Variants in CPNE4 observed in about 807,000 individuals in gnomAD.
CPNE4 encodes copine 4, also known as copine-4.
In CPNE4, 25 loss-of-function variants were observed where a neutral mutation model predicts 67.9. The observed-to-expected ratio is 0.37, with a 90% CI of 0.27 to 0.51. The LOEUF (loss-of-function observed/expected upper bound fraction) is 0.51, where lower values mean the gene tolerates loss of function less well. Among genes scored for constraint, CPNE4 ranks in the 20% least tolerant of loss-of-function variants. The pLI is 0.93. For missense variants in CPNE4, 464 were observed against 690.8 expected (o/e 0.67, Z 3.68); for synonymous variants, 242 against 244.9 (o/e 0.99, Z 0.11).
chr3:132,025,726 T>C (rs1216632924), intron 1 of CPNE4, among the ~76,000 whole-genome samples: 1 of 152,210 alleles, frequency 6.6e-6, no homozygotes. Context: ...TCCTATAACA[T>C]AGACACAATC....
At chr3:131,727,317 A>G (rs1057027911) in intron 2 of CPNE4, among the ~76,000 whole-genome samples, 1 of 152,106 alleles carries the variant, frequency 6.6e-6, no homozygotes, top group Non-Finnish European at 1.5e-5. Flanking sequence ...AAACACGGCC[A>G]GGCGCAGTGG....
At chr3:131,977,315 T>A (rs1241008047) in intron 1 of CPNE4, among the ~76,000 whole-genome samples, 1 of 152,166 alleles carries the variant, frequency 6.6e-6, no homozygotes, top group Middle Eastern at 3.2e-3. Flanking sequence ...AGTTGATGAT[T>A]AGTCCAAGCA....
chr3:131,990,482 C>T (rs2073152293), intron 1 of CPNE4, among the ~76,000 whole-genome samples: 1 of 134,366 alleles, frequency 7.4e-6, no homozygotes, highest in African/African-American at 2.5e-5. Context: ...ACCCCCTGCC[C>T]CCAGTAAACA....
intron 7 of CPNE4, among the ~76,000 whole-genome samples, chr3:131,656,747 A>T (rs550255081): frequency 6.6e-6 from 1 of 152,328 alleles, no homozygotes; most frequent in Non-Finnish European, 1.5e-5. Flanking sequence ...GTAATCACAG[A>T]TGGTGGTAAG....
At chr3:131,791,044 T>C (rs893552939) in intron 2 of CPNE4, among the ~76,000 whole-genome samples, 1 of 152,186 alleles carries the variant, frequency 6.6e-6, no homozygotes, top group Non-Finnish European at 1.5e-5. Flanking sequence ...CAATAAATTA[T>C]AGTCTACATT....
chr3:131,980,322 G>A (rs889769146), intron 1 of CPNE4, among the ~76,000 whole-genome samples: 4 of 152,212 alleles, frequency 2.6e-5, no homozygotes, highest in East Asian at 1.9e-4. Flanking sequence ...TCTTCCTCAG[G>A]AACACCAATT....
In CPNE4 at chr3:131,885,143, A is replaced by C. The variant is rs778769758; in HGVS notation, c.180+20121T>G. ...TTGAATGGCTTTGACAAAAATGCTG[A>C]TAGTGATAGGAACAATAAGGTCCAG... On this transcript the variant is annotated intron_variant, in intron 2 of 15. Transcript: ENST00000429747. Among the ~76,000 whole-genome samples the C allele has an allele frequency of 1.4e-3, 208 of 152,290 alleles. 3 individuals carry two copies. In the Middle Eastern group the frequency reaches 0.031, roughly 22 times the overall value.
intron 1 of CPNE4, among the ~76,000 whole-genome samples, chr3:131,959,599 T>C (rs1030013896): frequency 1.2e-4 from 19 of 152,146 alleles, no homozygotes; most frequent in African/African-American, 4.6e-4. Flanking sequence ...ATTGTGGAAA[T>C]TGGAAAATCA....
At chr3:131,720,286 T>A (rs1208196358) in intron 3 of CPNE4, among the ~76,000 whole-genome samples, 1 of 23,852 alleles carries the variant, frequency 4.2e-5, no homozygotes, top group African/African-American at 9.0e-5. Context: ...AGGAATGGGT[T>A]TTTTTTTTTT....
chr3:131,952,172 G>T (rs1441654387), intron 1 of CPNE4, among the ~76,000 whole-genome samples: 1 of 148,260 alleles, frequency 6.7e-6, no homozygotes, highest in Non-Finnish European at 1.5e-5. Flanking sequence ...ATCTCTGCCC[G>T]GCCGCCCATC....
At chr3:131,671,628 C>T (rs2080419692) in intron 6 of CPNE4, among the ~76,000 whole-genome samples, 1 of 152,024 alleles carries the variant, frequency 6.6e-6, no homozygotes, top group African/African-American at 2.4e-5. Context: ...TCTAGGAGCA[C>T]CTCCCCATTA....
intron 1 of CPNE4, among the ~76,000 whole-genome samples, chr3:132,032,177 G>A (rs1278987662): frequency 6.6e-6 from 1 of 152,180 alleles, no homozygotes; most frequent in African/African-American, 2.4e-5. Flanking sequence ...ACAACTCAGA[G>A]CAACTATTTT....
At chr3:131,975,617 C>T (rs572217160) in intron 1 of CPNE4, among the ~76,000 whole-genome samples, 5 of 152,232 alleles carry the variant, frequency 3.3e-5, no homozygotes, top group African/African-American at 7.2e-5. Flanking sequence ...AAATAAACAC[C>T]GTGACATTTA....
At chr3:131,651,880 T>C (rs77875221) in intron 7 of CPNE4, among the ~76,000 whole-genome samples, 7,120 of 152,228 alleles carry the variant, frequency 0.047, 207 homozygotes, top group Non-Finnish European at 0.066. Flanking sequence ...TTCTCAGTTT[T>C]TTTCACTGGG....
At chr3:132,018,272 T>G (rs2073927495) in intron 1 of CPNE4, among the ~76,000 whole-genome samples, 1 of 152,148 alleles carries the variant, frequency 6.6e-6, no homozygotes, top group Non-Finnish European at 1.5e-5. Flanking sequence ...ACCCCCAAAA[T>G]CAGATGCACA....
intron 2 of CPNE4, among the ~76,000 whole-genome samples, chr3:131,783,227 G>T (rs140417641): frequency 1.4e-4 from 22 of 152,140 alleles, no homozygotes; most frequent in Middle Eastern, 3.4e-3. Context: ...ACTATAATAA[G>T]CAAGTACTAA....
intron 7 of CPNE4, among the ~76,000 whole-genome samples, chr3:131,634,032 A>T (rs574593287): frequency 6.6e-6 from 1 of 152,242 alleles, no homozygotes; most frequent in South Asian, 2.1e-4. Flanking sequence ...TTGTGGAGCT[A>T]AAAAAATGCA....
chr3:131,545,679 A>T (rs1321191156), intron 14 of CPNE4, among the ~76,000 whole-genome samples: 4 of 152,240 alleles, frequency 2.6e-5, no homozygotes, highest in Non-Finnish European at 1.5e-5. Context: ...TGTATTTATG[A>T]TGTCTCCATC....
intron 7 of CPNE4, among the ~76,000 whole-genome samples, chr3:131,590,226 G>A (rs199895022): frequency 6.6e-6 from 1 of 152,134 alleles, no homozygotes; most frequent in South Asian, 2.1e-4. Flanking sequence ...CCATGTTGTG[G>A]GGACAAAGCA....
Sources: gnomAD v4.1 joint callset for allele counts (sites outside exome capture counted in the v4.1 genomes callset) on GRCh38, gnomAD v4.1.1 for gene constraint, MANE v1.5 for transcripts, NCBI Gene and HGNC (gene_info 2026-07-23, HGNC 2026-07-21) for gene names.